The following TTLL4 variants were observed in gnomAD, a reference collection of about 807,000 sequenced individuals.
TTLL4 encodes the protein tubulin monoglutamylase TTLL4.
In TTLL4, 85 loss-of-function variants were observed where a neutral mutation model predicts 122.7. The ratio of observed to expected loss-of-function variants is 0.69; its 90% CI spans 0.58 to 0.83. The LOEUF (loss-of-function observed/expected upper bound fraction) is 0.83. Among genes scored for constraint, TTLL4 ranks in the 40% least tolerant of loss-of-function variants. The pLI is 0.00. For synonymous variants in TTLL4, 553 were observed against 563.0 expected (o/e 0.98, Z 0.25); for missense variants, 1,363 against 1,488.6 (o/e 0.92, Z 1.39).
rs766740116 is a variant in TTLL4, at chr2:218,747,624, C to T, written c.2277C>T (p.Ser759=). 1.2e-5 allele frequency: 20 copies of T among 1,614,090 alleles called. No individual in the cohort carries two copies. In the Admixed American group the frequency reaches 2.7e-4, roughly 22 times the overall value. Residue 759 remains serine (S), a synonymous_variant, in exon 11 of 20, where the codon AGC becomes AGT. Coordinates refer to ENST00000392102, the MANE Select transcript of TTLL4 (RefSeq NM_014640.5). The surrounding 1 kb of genome is among the most constrained non-coding windows in gnomAD (Gnocchi z 4.7). ...ATCTACACAAACCCTACCTCATCAG[C>T]GGCAGCAAGTTTGACCTGCGGATCT... The part of the protein sequence containing the change: ...QRYLHKPYLI[S]GSKFDLRIYV...
In TTLL4 at chr2:218,710,846, G is replaced by A. The variant is rs1052517694; in HGVS notation, c.-369G>A. On this transcript the variant is annotated 5_prime_UTR_variant, in exon 1 of 20. Transcript: ENST00000392102. Reference sequence around the variant, plus strand: ...GCTTGCCTCCCGCCCTCTTCTTCCAGACTCTCGGTCTGTCCGCTGGGGGCG... The same window carrying A: ...GCTTGCCTCCCGCCCTCTTCTTCCAAACTCTCGGTCTGTCCGCTGGGGGCG... 2 of 151,644 alleles carry A rather than the reference G, an allele frequency of 1.3e-5. No individual in the cohort carries two copies. Among genetic ancestry groups the A allele is most frequent in the Non-Finnish European group, 2.9e-5 (2 of 67,932 alleles). 9.4% of individuals were successfully genotyped at this position (151,644 alleles called of 1,614,324 possible).
Position 218,753,116 on chromosome 2 carries a change from A to G in TTLL4, c.3189A>G (p.Gly1063=), listed in dbSNP as rs1446362792. ...EQKYHGNKLK[G]VDLLRSWCYK... ...CAACTCCTGCTAATCTTGTCCTAGG[A>G]GTAGATCTGCTCCGGAGTTGGTGCT... Residue 1063 remains glycine, a splice_region_variant and synonymous_variant, in exon 18 of 20, where the codon GGA becomes GGG. Coordinates refer to ENST00000392102, the MANE Select transcript of TTLL4 (RefSeq NM_014640.5). The G allele has an allele frequency of 1.2e-6, 2 of 1,613,706 alleles. No homozygotes were observed. Among genetic ancestry groups the G allele is most frequent in the Non-Finnish European group, 1.7e-6 (2 of 1,179,912 alleles).
chr2:218,749,408 A>G (rs750563844), intron 14 of TTLL4, 21 bp downstream of exon 14: 1 of 1,613,154 alleles, frequency 6.2e-7, no homozygotes, highest in African/African-American at 1.3e-5. Flanking sequence ...TTCTCAGGAC[A>G]CTCACCATAG....
chr2:218,753,459 G>A, intron 18 of TTLL4, 125 bp from the exon 19 acceptor site: 1 of 1,017,178 alleles, frequency 9.8e-7, no homozygotes. Flanking sequence ...GCCCATGCCT[G>A]AGGGGTAGGG....
chr2:218,718,585 T>C (rs1398859047), intron 1 of TTLL4, among the ~76,000 whole-genome samples: 1 of 152,082 alleles, frequency 6.6e-6, no homozygotes, highest in Non-Finnish European at 1.5e-5. Flanking sequence ...TCCATGTTGC[T>C]CAGGCTGGTT....
intron 18 of TTLL4, 50 bp from the exon 19 acceptor site, chr2:218,753,534 T>C: frequency 6.3e-7 from 1 of 1,580,106 alleles, no homozygotes; most frequent in Non-Finnish European, 8.7e-7. Context: ...CAAACACTCC[T>C]GCCTTGCCTC....
downstream of TTLL4, among the ~76,000 whole-genome samples, chr2:218,758,946 T>A (rs1286848643): frequency 6.6e-6 from 1 of 152,116 alleles, no homozygotes; most frequent in Non-Finnish European, 1.5e-5. Context: ...CCCTTAGATA[T>A]AAAAAAGGAA....
At chr2:218,733,939 T>C (rs996432134) in intron 2 of TTLL4, among the ~76,000 whole-genome samples, 1 of 152,180 alleles carries the variant, frequency 6.6e-6, no homozygotes, top group African/African-American at 2.4e-5. Context: ...GTGGTGTTGA[T>C]GAGAAGTCAG....
chr2:218,756,659 G>A (rs1216151222), downstream of TTLL4, among the ~76,000 whole-genome samples: 1 of 152,236 alleles, frequency 6.6e-6, no homozygotes, highest in Admixed American at 6.5e-5. Context: ...GAAGGAATGA[G>A]ATTTTTTTGG....
At chr2:218,715,544 T>C (rs1187371791) in intron 1 of TTLL4, among the ~76,000 whole-genome samples, 1 of 152,184 alleles carries the variant, frequency 6.6e-6, no homozygotes, top group Non-Finnish European at 1.5e-5. Flanking sequence ...TAATGAGTAT[T>C]CTCTGCAGTT....
Position 218,738,479 on chromosome 2 carries a change from A to G in TTLL4, c.803A>G (p.His268Arg). ...TGDCAPQPVDHKVPKSIGTVP... is the reference protein window; with the variant it reads ...TGDCAPQPVDRKVPKSIGTVP... ...GACTGTGCACCGCAGCCTGTTGACC[A>G]TAAGGTGCCCAAAAGCATTGGCACT... Residue 268 changes from histidine to arginine, a missense_variant, in exon 3 of 20, where the codon CAT (histidine) becomes CGT (arginine). By Grantham distance (29) the His-to-Arg change is conservative. Coordinates refer to ENST00000392102, the MANE Select transcript of TTLL4 (RefSeq NM_014640.5). 1.2e-6 allele frequency: 2 copies of G among 1,614,182 alleles called. No individual in the cohort carries two copies. Among genetic ancestry groups the G allele is most frequent in the South Asian group, 1.1e-5 (1 of 91,082 alleles).
In TTLL4 at chr2:218,747,935, A is replaced by G; in HGVS notation, c.2379-170A>G. 8.8e-7 allele frequency: 1 copy of G among 1,142,282 alleles called. No homozygotes were observed. Among genetic ancestry groups the G allele is most frequent in the East Asian group, 2.4e-5 (1 of 41,188 alleles). The allele number at this position is 1,142,282 out of a possible 1,614,324, so 70.8% of individuals were successfully genotyped here. ...GAGGTGGGATAAAGGAGATGAGTTTAGCTGTGGTTTTTCAGAACTTTGCCA... is the reference window on the plus strand; with the variant it reads ...GAGGTGGGATAAAGGAGATGAGTTTGGCTGTGGTTTTTCAGAACTTTGCCA... On this transcript the variant is annotated intron_variant, in intron 11 of 19. Coordinates refer to ENST00000392102, the MANE Select transcript of TTLL4 (RefSeq NM_014640.5). This position sits in a 1 kb window ranked among gnomAD's most constrained non-coding sequence, Gnocchi z 4.7.
intron 1 of TTLL4, among the ~76,000 whole-genome samples, chr2:218,720,321 A>G (rs1941994496): frequency 6.6e-6 from 1 of 152,200 alleles, no homozygotes; most frequent in Non-Finnish European, 1.5e-5. Flanking sequence ...GAGGAAAGAC[A>G]CTATTGAAGG....
chr2:218,751,782 T>C lies in TTLL4; in HGVS notation c.2952T>C (p.Tyr984=), dbSNP rs371976040. The change falls in exon 16 of 20, where the codon TAT becomes TAC. Residue 984 remains tyrosine (Y), a synonymous_variant. Transcript: ENST00000392102. The part of the protein sequence containing the change: ...VTAQKMKKAY[Y]LTQKIPDQDF... ...CACAGAAGATGAAGAAAGCCTATTA[T>C]CTGACCCAGAAAATTCCTGATCAGG... 1.9e-6 allele frequency: 3 copies of C among 1,612,568 alleles called. No homozygotes were observed. Among genetic ancestry groups the C allele is most frequent in the African/African-American group, 1.3e-5 (1 of 74,802 alleles).
At chr2:218,725,670 C>T (rs886708008) in intron 1 of TTLL4, among the ~76,000 whole-genome samples, 1 of 152,036 alleles carries the variant, frequency 6.6e-6, no homozygotes, top group African/African-American at 2.4e-5. Flanking sequence ...ATTCTCCTGC[C>T]TCAGCCTCCC....
In TTLL4 at chr2:218,751,688, C is replaced by G. The variant is rs768058671; in HGVS notation, c.2874-16C>G. On this transcript the variant is annotated splice_polypyrimidine_tract_variant and intron_variant, in intron 15 of 19. Coordinates refer to ENST00000392102, the MANE Select transcript of TTLL4 (RefSeq NM_014640.5). ...GCTGACCCTGCCCTTTGCTTTCTTT[C>G]TGGCCTCTGCCGTAGCCTGCCCACC... 6.2e-7 allele frequency: 1 copy of G among 1,610,626 alleles called. No homozygotes were observed. Among genetic ancestry groups the G allele is most frequent in the Non-Finnish European group, 8.5e-7 (1 of 1,178,112 alleles).
At position 218,751,749 on chromosome 2, in the gene TTLL4, T is replaced by C; in HGVS notation, c.2919T>C (p.His973=). The change falls in exon 16 of 20, where the codon CAT becomes CAC. Residue 973 remains histidine (H), a synonymous_variant. Coordinates refer to ENST00000392102, the MANE Select transcript of TTLL4 (RefSeq NM_014640.5). ...PGDKCRMAPE[H]VTAQKMKKAY... is the part of the protein sequence containing the mutation. ...ACAAATGTCGAATGGCTCCAGAGCA[T>C]GTCACTGCACAGAAGATGAAGAAAG... 1 of 1,613,714 alleles carries C rather than the reference T, an allele frequency of 6.2e-7. No homozygotes were observed. The highest frequency in any genetic ancestry group is 1.1e-5 in the South Asian group (1 of 91,054).
chr2:218,740,690 C>A (rs1316891726), intron 5 of TTLL4, 106 bp downstream of exon 5: 4 of 1,320,820 alleles, frequency 3.0e-6, no homozygotes, highest in South Asian at 1.2e-5. Flanking sequence ...AACTCTAATG[C>A]ATTTTTACCA....
chr2:218,754,028 A>G, intron 19 of TTLL4, 106 bp from the exon 20 acceptor site: 2 of 1,511,136 alleles, frequency 1.3e-6, no homozygotes, highest in Non-Finnish European at 1.8e-6. Context: ...TTGGCCTACA[A>G]CACTGTAATG....
Sources: gnomAD v4.1 joint callset for allele counts (sites outside exome capture counted in the v4.1 genomes callset) on GRCh38, gnomAD v4.1.1 for gene constraint, Gnocchi (gnomAD v3.1) non-coding constraint, MANE v1.5 for transcripts, NCBI Gene and HGNC (gene_info 2026-07-23, HGNC 2026-07-21) for gene names.